The following SOX5 variants were observed in gnomAD, a reference collection of about 807,000 sequenced individuals.
SOX5 encodes SRY-box transcription factor 5.
In SOX5, 9 loss-of-function variants were observed where a neutral mutation model predicts 92.0. The observed-to-expected ratio is 0.10, with a 90% CI of 0.06 to 0.17. SOX5 has a LOEUF of 0.17. SOX5 is among the 10% of genes least tolerant of loss of function. SOX5 has a pLI of 1.00. For synonymous variants in SOX5, 344 were observed against 336.3 expected, an observed-to-expected ratio of 1.02 and a Z score of -0.25; for missense variants, 642 against 944.5, an observed-to-expected ratio of 0.68 and a Z score of 4.20.
chr12:24,223,454 A>C (rs1961017726), intron 3 of SOX5: 2 of 152,212 alleles, frequency 1.3e-5, no homozygotes, highest in Non-Finnish European at 2.9e-5. Flanking sequence ...AGGTATTTAC[A>C]TTCCAAAAGA....
At chr12:23,782,844 A>T (rs1567720531) in intron 3 of SOX5, among the ~76,000 whole-genome samples, 1 of 152,126 alleles carries the variant, frequency 6.6e-6, no homozygotes, top group Non-Finnish European at 1.5e-5. Context: ...ACTTGGATGA[A>T]GCAAATCTAC....
rs142139603 is a variant in SOX5 at position 23,771,750 on chromosome 12, A to T, written c.482-16026T>A. On this transcript the variant is annotated intron_variant, in intron 3 of 14. Coordinates refer to ENST00000451604, the MANE Select transcript of SOX5 (RefSeq NM_006940.6). ...TTCTCTCGGGGCATTTCATATAGAC[A>T]CCTTTCTCTGTCTTTCACTTTCTCT... is the stretch of plus-strand genomic sequence containing the variant. Among the ~76,000 whole-genome samples, 886 of 152,220 alleles carry T rather than the reference A, an allele frequency of 5.8e-3. 5 individuals are homozygous for T. The highest frequency in any genetic ancestry group is 9.4e-3 in the Non-Finnish European group (640 of 68,010).
chr12:24,033,846 T>G (rs749307330), intron 4 of SOX5, among the ~76,000 whole-genome samples: 4 of 152,032 alleles, frequency 2.6e-5, no homozygotes, highest in Non-Finnish European at 5.9e-5. Context: ...TACGCTAGCC[T>G]GAGTCAGATA....
chr12:23,912,621 G>A (rs1007211826), intron 1 of SOX5, among the ~76,000 whole-genome samples: 3 of 152,108 alleles, frequency 2.0e-5, no homozygotes, highest in South Asian at 2.1e-4. Context: ...AAAACAATAC[G>A]TGGCATATCC....
At chr12:24,440,265 CT>C (rs1289877206) in intron 1 of SOX5, among the ~76,000 whole-genome samples, 37 of 152,308 alleles carry the variant, frequency 2.4e-4, no homozygotes, top group Non-Finnish European at 2.9e-5. Context: ...GAGGAACCCC[CT>C]CAACTTCTAC....
At chr12:24,255,966 A>C (rs1941088095) in intron 3 of SOX5, among the ~76,000 whole-genome samples, 1 of 152,224 alleles carries the variant, frequency 6.6e-6, no homozygotes, top group Admixed American at 6.5e-5. Flanking sequence ...GGCATTTTAA[A>C]CCCCAAGTTG....
At chr12:24,462,580 C>A (rs1247697660) in intron 1 of SOX5, among the ~76,000 whole-genome samples, 2 of 152,112 alleles carry the variant, frequency 1.3e-5, no homozygotes, top group African/African-American at 4.8e-5. Flanking sequence ...GTTTTCCTAC[C>A]TCTGCTTCTA....
At chr12:24,315,398 G>A (rs572597180) in intron 2 of SOX5, among the ~76,000 whole-genome samples, 8 of 152,016 alleles carry the variant, frequency 5.3e-5, no homozygotes, top group Admixed American at 5.2e-4. Flanking sequence ...GAGATTAAGA[G>A]ATTAAAAAAC....
At chr12:24,189,564 T>C (rs1215434423) in intron 4 of SOX5, among the ~76,000 whole-genome samples, 1 of 152,184 alleles carries the variant, frequency 6.6e-6, no homozygotes, top group Admixed American at 6.5e-5. Flanking sequence ...AACATCCAAT[T>C]ATTTCTCAGT....
intron 11 of SOX5, among the ~76,000 whole-genome samples, chr12:23,549,889 C>G (rs772106670): frequency 6.6e-6 from 1 of 151,886 alleles, no homozygotes; most frequent in Non-Finnish European, 1.5e-5. Context: ...GAAACAAGAT[C>G]GAAGTGAATT....
chr12:23,585,858 G>A (rs1302191059), intron 9 of SOX5, among the ~76,000 whole-genome samples: 1 of 152,000 alleles, frequency 6.6e-6, no homozygotes, highest in Admixed American at 6.6e-5. Context: ...TCTCTTTGTC[G>A]CCCCCGTGTG....
intron 9 of SOX5, among the ~76,000 whole-genome samples, chr12:23,601,529 T>C (rs2074495273): frequency 6.6e-6 from 1 of 152,168 alleles, no homozygotes; most frequent in Non-Finnish European, 1.5e-5. Flanking sequence ...TATTTTATGG[T>C]AACATAGACA....
chr12:24,263,134 G>A (rs1392048562), intron 3 of SOX5, among the ~76,000 whole-genome samples: 1 of 152,148 alleles, frequency 6.6e-6, no homozygotes, highest in Non-Finnish European at 1.5e-5. Context: ...GCTGAGACAG[G>A]AGAATTGCTT....
intron 1 of SOX5, among the ~76,000 whole-genome samples, chr12:24,437,837 A>G (rs1328126094): frequency 5.3e-5 from 8 of 152,162 alleles, no homozygotes; most frequent in African/African-American, 1.9e-4. Context: ...GTTGGTAGGA[A>G]TGTAAATTAG....
intron 6 of SOX5, among the ~76,000 whole-genome samples, chr12:23,686,508 A>C (rs1348673652): frequency 6.6e-6 from 1 of 152,214 alleles, no homozygotes; most frequent in East Asian, 1.9e-4. Context: ...GCGACTCTCT[A>C]ATGCCATTCA....
At chr12:24,110,852 G>T (rs964266472) in intron 4 of SOX5, among the ~76,000 whole-genome samples, 2 of 126,942 alleles carry the variant, frequency 1.6e-5, no homozygotes, top group African/African-American at 5.9e-5. Flanking sequence ...AGTGAGTTGA[G>T]ATCGTGCCAC....
Position 24,180,726 on chromosome 12 carries a change from T to C in SOX5, c.-2+32617A>G, listed in dbSNP as rs543700338. Reference sequence around the variant, plus strand: ...ATACTGCTGTTATAAATCATAAACATCTATTTCACAAAATATATTCAAAAT... The same window carrying C: ...ATACTGCTGTTATAAATCATAAACACCTATTTCACAAAATATATTCAAAAT... On this transcript the variant is annotated intron_variant, in intron 4 of 4. Coordinates refer to the SOX5 transcript ENST00000446891. 2.1e-4 allele frequency among the ~76,000 whole-genome samples: 32 copies of C among 152,356 alleles called. 1 individual carries two copies. Among genetic ancestry groups the C allele is most frequent in the African/African-American group, 7.7e-4 (32 of 41,578 alleles).
chr12:24,028,382 C>T (rs758228676), intron 4 of SOX5, among the ~76,000 whole-genome samples: 2 of 151,944 alleles, frequency 1.3e-5, no homozygotes, highest in Non-Finnish European at 2.9e-5. Context: ...TTAATAGGAG[C>T]ACGGATCAGA....
chr12:23,796,402 G>C (rs1247042350), intron 3 of SOX5, among the ~76,000 whole-genome samples: 4 of 152,088 alleles, frequency 2.6e-5, no homozygotes, highest in African/African-American at 9.7e-5. Context: ...ATTTGAATGA[G>C]TAGTTTGAAT....
Sources: gnomAD v4.1 joint callset for allele counts (sites outside exome capture counted in the v4.1 genomes callset) on GRCh38, gnomAD v4.1.1 for gene constraint, MANE v1.5 for transcripts, NCBI Gene and HGNC (gene_info 2026-07-23, HGNC 2026-07-21) for gene names.